The following CCDC57 variants were observed in gnomAD, a reference collection of about 807,000 sequenced individuals.
CCDC57 encodes the protein coiled-coil domain-containing protein 57.
CCDC57 carries 118 observed loss-of-function variants against 118.9 expected under a neutral mutation model. That is an observed-to-expected ratio of 0.99 (90% CI 0.86 to 1.16). The LOEUF (loss-of-function observed/expected upper bound fraction) is 1.16, where lower values mean the gene tolerates loss of function less well. CCDC57 is among the 50% of genes most tolerant of loss of function. The pLI is 0.00. For synonymous variants in CCDC57, 527 were observed against 532.9 expected (o/e 0.99, Z 0.15); for missense variants, 1,300 against 1,320.7 (o/e 0.98, Z 0.24).
At chr17:82,111,662 A>C (rs957223641) in intron 19 of CCDC57, among the ~76,000 whole-genome samples, 1 of 152,038 alleles carries the variant, frequency 6.6e-6, no homozygotes, top group Non-Finnish European at 1.5e-5. Context: ...GCTGGAGTGC[A>C]GTGGTGCGAT....
chr17:82,118,950 T>A lies in CCDC57; in HGVS notation c.2899+8742A>T, dbSNP rs560416391. 1.3e-5 allele frequency among the ~76,000 whole-genome samples: 2 copies of A among 151,600 alleles called. No homozygotes were observed. Among genetic ancestry groups the A allele is most frequent in the Non-Finnish European group, 2.9e-5 (2 of 67,886 alleles). On this transcript the variant is annotated intron_variant, in intron 19 of 19. Transcript: ENST00000665763. This position sits in a 1 kb window ranked among gnomAD's most constrained non-coding sequence, Gnocchi z 4.7. ...TCCCTCGCCCTGGAATGCCTGGTAG[T>A]GTGTGGTCCCCGTGAGAGGAAGCGG...
chr17:82,145,324 A>G (rs1177043896), intron 16 of CCDC57, among the ~76,000 whole-genome samples: 1 of 146,446 alleles, frequency 6.8e-6, no homozygotes, highest in African/African-American at 2.5e-5. Context: ...AGGTGGGCAG[A>G]TCACTTGAGG....
chr17:82,186,178 C>T (rs2046900482), intron 8 of CCDC57, among the ~76,000 whole-genome samples: 1 of 151,932 alleles, frequency 6.6e-6, no homozygotes. Context: ...AGCTGAACTC[C>T]CCAGAAGTAA....
At chr17:82,153,716 T>C (rs937486141) in intron 15 of CCDC57, 1 of 152,268 alleles carries the variant, frequency 6.6e-6, no homozygotes, top group African/African-American at 2.4e-5. Flanking sequence ...TCTTCACCAC[T>C]GTGTGCTCCA....
chr17:82,161,581 G>A (rs936133637), intron 14 of CCDC57, among the ~76,000 whole-genome samples: 1 of 152,192 alleles, frequency 6.6e-6, no homozygotes, highest in African/African-American at 2.4e-5. Flanking sequence ...AAGGAATGAC[G>A]TTCTGACATA....
chr17:82,184,025 G>GCTCA, intron 8 of CCDC57, 93 bp from the exon 8 acceptor site: 10 of 387,902 alleles, frequency 2.6e-5, no homozygotes, highest in East Asian at 5.0e-5. Context: ...ATGCGCGCGC[G>GCTCA]CGCGCGCACA....
intron 8 of CCDC57, 93 bp from the exon 8 acceptor site, chr17:82,184,025 GCGCGCGCACACACACACACACACACA>G (rs1264009662): frequency 2.6e-6 from 1 of 387,906 alleles, no homozygotes; most frequent in South Asian, 2.3e-5. Flanking sequence ...ATGCGCGCGC[GCGCGCGCACACACACACACACACACA>G]CACACACACA....
chr17:82,211,426 G>A (rs1397418483), intron 1 of CCDC57, among the ~76,000 whole-genome samples: 1 of 152,162 alleles, frequency 6.6e-6, no homozygotes, highest in African/African-American at 2.4e-5. Context: ...CAACATGAAC[G>A]CCAGCGTCTA....
intron 16 of CCDC57, among the ~76,000 whole-genome samples, chr17:82,142,027 T>C (rs1428295828): frequency 1.3e-5 from 2 of 152,204 alleles, no homozygotes; most frequent in African/African-American, 4.8e-5. Context: ...TCGATTCTTT[T>C]ACTCCATGTA....
intron 19 of CCDC57, among the ~76,000 whole-genome samples, chr17:82,103,297 G>GGTCACACA (rs150841116): frequency 0.47 from 71,259 of 151,594 alleles, 17,383 homozygotes; most frequent in Non-Finnish European, 0.54. Flanking sequence ...GCCCCGTTGG[G>GGTCACACA]GTCACACAGT....
At chr17:82,146,922 C>G (rs75167240) in intron 16 of CCDC57, among the ~76,000 whole-genome samples, 1 of 152,190 alleles carries the variant, frequency 6.6e-6, no homozygotes, top group Non-Finnish European at 1.5e-5. Context: ...TACAAATGCA[C>G]GTGCACACAC....
intron 10 of CCDC57, 121 bp downstream of exon 9, chr17:82,178,906 C>T: frequency 9.0e-7 from 1 of 1,117,154 alleles, no homozygotes; most frequent in Non-Finnish European, 1.3e-6. Context: ...ACTCTAATTA[C>T]TCAGTGAGGT....
intron 15 of CCDC57, chr17:82,157,508 C>T (rs2042819509): frequency 7.0e-7 from 1 of 1,423,098 alleles, no homozygotes; most frequent in South Asian, 1.5e-5. Flanking sequence ...CCGTCCCGCC[C>T]CCCACCAACG....
At position 82,118,718 on chromosome 17, in the gene CCDC57, TGC is replaced by T. The variant is rs1468739916; in HGVS notation, c.2899+8972_2899+8973del. On this transcript the variant is annotated intron_variant, in intron 19 of 19. Coordinates refer to ENST00000665763, the Ensembl canonical transcript of CCDC57. This position sits in a 1 kb window ranked among gnomAD's most constrained non-coding sequence, Gnocchi z 4.7. ...AGGGAGAGCTTCCGTCCGCACTGGG[TGC>T]CACTCAGTCTGCCGCGCTTTTTATG... 6.6e-6 allele frequency among the ~76,000 whole-genome samples: 1 copy of T among 152,142 alleles called. No homozygotes were observed. Among genetic ancestry groups the T allele is most frequent in the Non-Finnish European group, 1.5e-5 (1 of 68,016 alleles).
chr17:82,147,441 A>G (rs911162703), intron 16 of CCDC57, among the ~76,000 whole-genome samples: 2 of 146,822 alleles, frequency 1.4e-5, no homozygotes, highest in African/African-American at 5.1e-5. Flanking sequence ...GATAAGTGGG[A>G]TAAGTGGTTG....
At chr17:82,150,042 G>C (rs1417848222) in intron 16 of CCDC57, among the ~76,000 whole-genome samples, 126 of 60,310 alleles carry the variant, frequency 2.1e-3, no homozygotes, top group Non-Finnish European at 2.7e-3. Flanking sequence ...CACCCAGAAT[G>C]TGACCCCCAC....
chr17:82,132,325 C>T (rs1447148101), intron 17 of CCDC57, among the ~76,000 whole-genome samples: 1 of 152,040 alleles, frequency 6.6e-6, no homozygotes, highest in East Asian at 1.9e-4. Context: ...AGCTGAACTT[C>T]TCAAGGCTGC....
At chr17:82,209,422 G>A (rs189807068) in intron 1 of CCDC57, among the ~76,000 whole-genome samples, 19 of 152,310 alleles carry the variant, frequency 1.2e-4, no homozygotes, top group Non-Finnish European at 2.1e-4. Flanking sequence ...AAATGAAGTA[G>A]AAACAGGTGA....
chr17:82,198,582 G>A (rs1180173504), intron 3 of CCDC57, among the ~76,000 whole-genome samples, 160 bp from the exon 3 acceptor site: 1 of 151,858 alleles, frequency 6.6e-6, no homozygotes. Context: ...GCCCCACCTG[G>A]ACCAGCATGC....
Sources: allele counts gnomAD v4.1 joint callset (sites outside exome capture counted in the v4.1 genomes callset), GRCh38; gene constraint gnomAD v4.1.1; non-coding constraint Gnocchi (gnomAD v3.1); transcripts MANE v1.5; gene names NCBI Gene and HGNC (gene_info 2026-07-23, HGNC 2026-07-21).